The following CACNA1E variants were observed in gnomAD, a reference collection of about 807,000 sequenced individuals.
The protein encoded by CACNA1E is voltage-dependent R-type calcium channel subunit alpha-1E.
CACNA1E carries 40 observed loss-of-function variants against 259.2 expected under a neutral mutation model. The ratio of observed to expected loss-of-function variants is 0.15; its 90% CI spans 0.12 to 0.20. The LOEUF (loss-of-function observed/expected upper bound fraction) is 0.20, where lower values mean the gene tolerates loss of function less well. Among genes scored for constraint, CACNA1E ranks in the 10% least tolerant of loss-of-function variants. CACNA1E has a pLI of 1.00. For missense variants in CACNA1E, 1,874 were observed against 3,040.1 expected (o/e 0.62, Z 9.02); for synonymous variants, 1,104 against 1,138.5 (o/e 0.97, Z 0.61).
At chr1:181,574,778 G>A (rs1268410801) in intron 3 of CACNA1E, among the ~76,000 whole-genome samples, 1 of 152,174 alleles carries the variant, frequency 6.6e-6, no homozygotes, top group Admixed American at 6.5e-5. Flanking sequence ...TGTAATCCCA[G>A]CACTTTGGGA....
intron 1 of CACNA1E, among the ~76,000 whole-genome samples, chr1:181,355,552 C>T (rs1236513459): frequency 6.6e-6 from 1 of 152,112 alleles, no homozygotes; most frequent in Non-Finnish European, 1.5e-5. Flanking sequence ...CGCACCAATA[C>T]AACCCAGTCT....
chr1:181,629,416 C>G (rs1656492816), intron 6 of CACNA1E, among the ~76,000 whole-genome samples: 1 of 152,118 alleles, frequency 6.6e-6, no homozygotes, highest in African/African-American at 2.4e-5. Flanking sequence ...TGTGAATTGT[C>G]TTACTTCAAT....
chr1:181,511,226 C>A, intron 2 of CACNA1E, 145 bp from the exon 3 acceptor site: 1 of 888,006 alleles, frequency 1.1e-6, no homozygotes. Context: ...AGACAGCCTG[C>A]AAGGGTCCCT....
intron 47 of CACNA1E, among the ~76,000 whole-genome samples, chr1:181,797,167 T>C (rs748093829): frequency 1.1e-4 from 16 of 152,180 alleles, no homozygotes; most frequent in Non-Finnish European, 2.1e-4. Flanking sequence ...GGATGGTCCT[T>C]TAGCCAGAAA....
At chr1:181,771,912 T>A (rs975498981) in intron 36 of CACNA1E, among the ~76,000 whole-genome samples, 154 bp from the exon 37 acceptor site, 4 of 152,108 alleles carry the variant, frequency 2.6e-5, no homozygotes, top group Non-Finnish European at 2.9e-5. Flanking sequence ...ACTCTTTATC[T>A]CTGCATGGAA....
At chr1:181,379,488 T>A (rs1380674946) in intron 1 of CACNA1E, among the ~76,000 whole-genome samples, 2 of 152,324 alleles carry the variant, frequency 1.3e-5, no homozygotes, top group East Asian at 3.9e-4. Flanking sequence ...CTTAATAAGA[T>A]ACCACAAACT....
chr1:181,556,619 G>A (rs2332429), intron 3 of CACNA1E, among the ~76,000 whole-genome samples: 123,856 of 152,152 alleles, frequency 0.81, 51,030 homozygotes, highest in Non-Finnish European at 0.88. Flanking sequence ...CCCCTAAAGA[G>A]GGGTCACTTT....
At position 181,733,747 on chromosome 1, in the gene CACNA1E, C is replaced by T. The variant is rs371930330; in HGVS notation, c.3259C>T (p.His1087Tyr). 3 of 1,541,564 alleles carry T rather than the reference C, an allele frequency of 1.9e-6. No homozygotes were observed. The highest frequency in any genetic ancestry group is 3.9e-5 in the Admixed American group (2 of 51,308). Residue 1087 changes from histidine (H) to tyrosine (Y), a missense_variant, in exon 21 of 48, where the codon CAC (histidine) becomes TAC (tyrosine). This residue lies in a region of CACNA1E where 476 missense variants were observed against 514.0 expected (regional missense o/e 0.93). Transcript: ENST00000367573. ...VDPLVDSTVV[H>Y]ISNKTDGEAS... is the part of the protein sequence containing the mutation. ...CCCCTTGGTGGACTCAACCGTGGTG[C>T]ACAGTGAGAGCACAGTCCCTGTTCC...
At chr1:181,441,413 G>C (rs1571882391) in intron 2 of CACNA1E, among the ~76,000 whole-genome samples, 1 of 152,324 alleles carries the variant, frequency 6.6e-6, no homozygotes, top group African/African-American at 2.4e-5. Flanking sequence ...GCCTCCCAAA[G>C]TGCTGGGATT....
intron 7 of CACNA1E, among the ~76,000 whole-genome samples, chr1:181,654,982 C>CAAA (rs1208750325): frequency 6.2e-4 from 33 of 53,294 alleles, no homozygotes; most frequent in Middle Eastern, 0.01. Context: ...GACTCCATCT[C>CAAA]AAAAAAAAAA....
At chr1:181,550,273 A>C (rs1361889257) in intron 3 of CACNA1E, among the ~76,000 whole-genome samples, 2 of 152,094 alleles carry the variant, frequency 1.3e-5, no homozygotes, top group Non-Finnish European at 2.9e-5. Flanking sequence ...GATGAGGAGC[A>C]GTCTGGTATG....
At chr1:181,323,147 C>A (rs1290806336) in intron 1 of CACNA1E, among the ~76,000 whole-genome samples, 3 of 152,214 alleles carry the variant, frequency 2.0e-5, no homozygotes, top group Admixed American at 2.0e-4. Flanking sequence ...GTATGCCTCT[C>A]TTAAGTGCCT....
intron 1 of CACNA1E, among the ~76,000 whole-genome samples, chr1:181,329,724 CT>C (rs1309092062): frequency 1.3e-5 from 2 of 152,196 alleles, no homozygotes; most frequent in East Asian, 1.9e-4. Context: ...TTATGTTCCC[CT>C]ATGACACTCT....
In CACNA1E at chr1:181,798,710, G is replaced by A. The variant is rs866037100; in HGVS notation, c.6818G>A (p.Arg2273Gln). Residue 2273 changes from arginine (R) to glutamine (Q), a missense_variant, in exon 48 of 48, where the codon CGG (arginine) becomes CAG (glutamine). Physicochemically the swap from Arg to Gln is conservative, Grantham distance 43. Around this residue, in one of 14 missense-constraint regions of CACNA1E, gnomAD observed 542 missense variants for 587.2 expected, o/e 0.92. Transcript: ENST00000367573. The surrounding 1 kb of genome is among the most constrained non-coding windows in gnomAD (Gnocchi z 4.2). ...SNTIGSAPPL[R>Q]HSWQMPNGHY... is the part of the protein sequence containing the mutation. The stretch of plus-strand genomic sequence containing the variant: ...ACCATCGGCTCAGCCCCACCCCTGC[G>A]GCATAGCTGGCAGATGCCCAACGGG... 1.9e-6 allele frequency: 3 copies of A among 1,608,734 alleles called. No homozygotes were observed. Among genetic ancestry groups the A allele is most frequent in the Non-Finnish European group, 2.5e-6 (3 of 1,176,796 alleles).
chr1:181,693,383 A>T (rs966080694), intron 7 of CACNA1E, among the ~76,000 whole-genome samples: 1 of 152,170 alleles, frequency 6.6e-6, no homozygotes, highest in Non-Finnish European at 1.5e-5. Flanking sequence ...TATTTACAAC[A>T]GCAAAGACAT....
chr1:181,733,199 G>T (rs1305629136), intron 20 of CACNA1E, among the ~76,000 whole-genome samples, 165 bp downstream of exon 20: 1 of 152,238 alleles, frequency 6.6e-6, no homozygotes, highest in African/African-American at 2.4e-5. Context: ...AGTGGGCTCT[G>T]TCCCCCCAAA....
intron 2 of CACNA1E, among the ~76,000 whole-genome samples, chr1:181,417,503 T>G (rs1051193770): frequency 6.6e-6 from 1 of 152,194 alleles, no homozygotes; most frequent in Non-Finnish European, 1.5e-5. Flanking sequence ...TCAGCCCTGC[T>G]AAATCCCACT....
chr1:181,468,319 C>T (rs1165295296), intron 2 of CACNA1E, among the ~76,000 whole-genome samples: 2 of 152,164 alleles, frequency 1.3e-5, no homozygotes, highest in Non-Finnish European at 2.9e-5. Context: ...GCACTTGCAC[C>T]TGTGAAGGGA....
At chr1:181,634,859 T>C (rs1657063254) in intron 6 of CACNA1E, among the ~76,000 whole-genome samples, 1 of 152,220 alleles carries the variant, frequency 6.6e-6, no homozygotes, top group Non-Finnish European at 1.5e-5. Flanking sequence ...ATCCCTGCTC[T>C]CTGAACCCCC....
Sources: gnomAD v4.1 joint callset for allele counts (sites outside exome capture counted in the v4.1 genomes callset) on GRCh38, gnomAD v4.1.1 for gene constraint, gnomAD v4.1.1 regional missense constraint, Gnocchi (gnomAD v3.1) non-coding constraint, MANE v1.5 for transcripts, NCBI Gene and HGNC (gene_info 2026-07-23, HGNC 2026-07-21) for gene names.